WARS2: variants seen among roughly 807,000 people sequenced by gnomAD.
The protein encoded by WARS2 is tryptophan--tRNA ligase, mitochondrial.
In WARS2, 28 loss-of-function variants were observed where a neutral mutation model predicts 36.5. The ratio of observed to expected loss-of-function variants is 0.77; its 90% CI spans 0.57 to 1.05. The LOEUF (loss-of-function observed/expected upper bound fraction) is 1.05. Among genes scored for constraint, WARS2 ranks in the 50% least tolerant of loss-of-function variants. WARS2 has a pLI of 0.00. For missense variants in WARS2, 435 were observed against 456.8 expected (o/e 0.95, Z 0.44); for synonymous variants, 174 against 178.4 (o/e 0.98, Z 0.20).
chr1:119,077,180 T>C (rs1453880312), intron 1 of WARS2, among the ~76,000 whole-genome samples: 1 of 145,344 alleles, frequency 6.9e-6, no homozygotes, highest in Non-Finnish European at 1.5e-5. Flanking sequence ...GAGCATGTGA[T>C]CTAATTGGAG....
chr1:119,048,089 T>C (rs1649010282), intron 2 of WARS2, among the ~76,000 whole-genome samples: 2 of 152,194 alleles, frequency 1.3e-5, no homozygotes, highest in African/African-American at 2.4e-5. Flanking sequence ...GCAACAGACT[T>C]GGTGATTGAG....
At chr1:119,059,769 A>G (rs1218263975) in intron 2 of WARS2, among the ~76,000 whole-genome samples, 1 of 152,218 alleles carries the variant, frequency 6.6e-6, no homozygotes, top group African/African-American at 2.4e-5. Flanking sequence ...AAAAAAGTAG[A>G]GATCATGTCC....
intron 2 of WARS2, among the ~76,000 whole-genome samples, chr1:119,061,949 GA>G (rs776742757): frequency 2.0e-5 from 3 of 152,158 alleles, no homozygotes; most frequent in Non-Finnish European, 4.4e-5. Context: ...ATAAATACCT[GA>G]GAGAAAGTAA....
At chr1:119,042,126 G>GGGAAA in intron 4 of WARS2, 138 bp downstream of exon 4, 1 of 628,068 alleles carries the variant, frequency 1.6e-6, no homozygotes, top group Non-Finnish European at 2.8e-6. Flanking sequence ...TATTTCTGGG[G>GGGAAA]AATAGATATA....
chr1:119,114,835 C>T (rs587742623), intron 1 of WARS2, among the ~76,000 whole-genome samples: 4 of 152,282 alleles, frequency 2.6e-5, no homozygotes, highest in South Asian at 4.2e-4. Flanking sequence ...TTTATCACAG[C>T]GTAGATGGCT....
intron 2 of WARS2, chr1:119,063,560 G>C (rs1650570945): frequency 6.6e-6 from 1 of 152,228 alleles, no homozygotes; most frequent in Admixed American, 6.5e-5. Context: ...GGCCCAGGAG[G>C]AAAAAGTGGT....
intron 1 of WARS2, among the ~76,000 whole-genome samples, chr1:119,136,473 G>A (rs587728516): frequency 4.1e-4 from 62 of 152,262 alleles, no homozygotes; most frequent in African/African-American, 1.5e-3. Context: ...AAGACTCACC[G>A]ACTGAGATTA....
intron 1 of WARS2, chr1:119,082,190 T>C: frequency 1.1e-6 from 1 of 880,024 alleles, no homozygotes; most frequent in Non-Finnish European, 1.4e-6. Flanking sequence ...AGGGCATAAA[T>C]GATAAGCACT....
chr1:119,111,945 G>A (rs757857346), intron 1 of WARS2, among the ~76,000 whole-genome samples: 3 of 151,598 alleles, frequency 2.0e-5, no homozygotes, highest in Non-Finnish European at 2.9e-5. Flanking sequence ...TCTTTGAGAC[G>A]GAGTTTTGAT....
At chr1:119,091,355 T>G (rs930672221) in intron 1 of WARS2, among the ~76,000 whole-genome samples, 1 of 152,174 alleles carries the variant, frequency 6.6e-6, no homozygotes, top group Non-Finnish European at 1.5e-5. Flanking sequence ...TTCACAAGGA[T>G]GAAGGAACTG....
At chr1:119,111,454 G>T (rs975540825) in intron 1 of WARS2, among the ~76,000 whole-genome samples, 1 of 152,130 alleles carries the variant, frequency 6.6e-6, no homozygotes, top group African/African-American at 2.4e-5. Flanking sequence ...CCTTCCTCCA[G>T]GTAGGTTCAA....
At chr1:119,085,518 G>C (rs1489563558) in intron 1 of WARS2, 2 of 1,596,924 alleles carry the variant, frequency 1.3e-6, no homozygotes, top group East Asian at 4.5e-5. Context: ...AGAGCTCTCA[G>C]ACAAACTTGG....
chr1:119,128,828 T>C (rs587751194), intron 1 of WARS2, among the ~76,000 whole-genome samples: 3 of 152,180 alleles, frequency 2.0e-5, no homozygotes, highest in Non-Finnish European at 4.4e-5. Flanking sequence ...ACAGGTGTCA[T>C]GGAAGCCTGA....
At chr1:119,074,373 G>A (rs2101303536) in intron 2 of WARS2, among the ~76,000 whole-genome samples, 1 of 152,348 alleles carries the variant, frequency 6.6e-6, no homozygotes, top group Non-Finnish European at 1.5e-5. Flanking sequence ...TATTTGAAGA[G>A]CAGTTGTGTG....
At chr1:119,034,295 T>G (rs1450007152) in intron 4 of WARS2, 82 bp from the exon 5 acceptor site, 10 of 1,118,478 alleles carry the variant, frequency 8.9e-6, no homozygotes, top group Non-Finnish European at 1.3e-5. Context: ...CTGCATTTCC[T>G]GTGAATATTT....
At chr1:119,081,402 C>A (rs912100843) in intron 1 of WARS2, among the ~76,000 whole-genome samples, 4 of 152,192 alleles carry the variant, frequency 2.6e-5, no homozygotes, top group Non-Finnish European at 5.9e-5. Flanking sequence ...AAACAGACTT[C>A]AACTAAAGAT....
intron 1 of WARS2, among the ~76,000 whole-genome samples, chr1:119,100,652 T>TA (rs1318402465): frequency 6.6e-6 from 1 of 152,198 alleles, no homozygotes; most frequent in East Asian, 1.9e-4. Flanking sequence ...GCAATGTGGA[T>TA]AGAACTGGGG....
intron 4 of WARS2, among the ~76,000 whole-genome samples, chr1:119,036,701 C>G (rs1171587806): frequency 6.6e-6 from 1 of 152,318 alleles, no homozygotes; most frequent in East Asian, 1.9e-4. Flanking sequence ...AAACAGAAAA[C>G]ACATTTAGTT....
At chr1:119,076,641 G>C (rs1379549172) in intron 1 of WARS2, 34 bp from the exon 2 acceptor site, 2 of 1,611,166 alleles carry the variant, frequency 1.2e-6, no homozygotes, top group Non-Finnish European at 1.7e-6. Flanking sequence ...ATTTGCTTTT[G>C]AGGCAGAATC....
Sources: allele counts gnomAD v4.1 joint callset (sites outside exome capture counted in the v4.1 genomes callset), GRCh38; gene constraint gnomAD v4.1.1; transcripts MANE v1.5; gene names NCBI Gene and HGNC (gene_info 2026-07-23, HGNC 2026-07-21).